Variants in SEC23A observed in about 807,000 individuals in gnomAD.
SEC23A encodes protein transport protein Sec23A.
Under a neutral mutation model 103.7 loss-of-function variants are expected in SEC23A, and 56 were observed. The ratio of observed to expected loss-of-function variants is 0.54; its 90% CI spans 0.44 to 0.67. The LOEUF (loss-of-function observed/expected upper bound fraction) is 0.67, where lower values mean the gene tolerates loss of function less well. Ranked by LOEUF, SEC23A falls within the 30% of genes least tolerant of loss-of-function variation. SEC23A has a pLI of 0.00. For synonymous variants in SEC23A, 281 were observed against 293.0 expected (o/e 0.96, Z 0.42); for missense variants, 784 against 936.4 (o/e 0.84, Z 2.12).
At chr14:39,057,264 C>T (rs1886279929) in intron 13 of SEC23A, among the ~76,000 whole-genome samples, 5 of 151,340 alleles carry the variant, frequency 3.3e-5, no homozygotes, top group Admixed American at 3.3e-4. Flanking sequence ...CAAGATGGCA[C>T]CACTGCACTC....
intron 7 of SEC23A, among the ~76,000 whole-genome samples, chr14:39,077,917 A>C (rs1447384915): frequency 1.3e-5 from 2 of 152,192 alleles, no homozygotes; most frequent in African/African-American, 4.8e-5. Flanking sequence ...AGGATGACAG[A>C]GTGAGACACT....
At chr14:39,042,480 C>A (rs1320466536) in intron 17 of SEC23A, among the ~76,000 whole-genome samples, 2 of 152,268 alleles carry the variant, frequency 1.3e-5, no homozygotes, top group East Asian at 3.9e-4. Flanking sequence ...ACTTTTCCCC[C>A]CTTAATGTTT....
intron 13 of SEC23A, among the ~76,000 whole-genome samples, chr14:39,060,125 G>A (rs1886425864): frequency 6.6e-6 from 1 of 151,276 alleles, no homozygotes; most frequent in Admixed American, 6.6e-5. Flanking sequence ...GTGCACACAC[G>A]TTGAGAGCCA....
intron 13 of SEC23A, among the ~76,000 whole-genome samples, chr14:39,059,548 A>G (rs1195369776): frequency 1.3e-5 from 2 of 152,162 alleles, no homozygotes; most frequent in Non-Finnish European, 1.5e-5. Context: ...AAAATATTTC[A>G]AACATAAAGA....
rs115680461 is a variant in SEC23A at position 39,080,333 on chromosome 14, G to A, written c.829-4240C>T. 8.8e-3 allele frequency among the ~76,000 whole-genome samples: 1,336 copies of A among 152,208 alleles called. 22 individuals are homozygous for A. Among genetic ancestry groups the A allele is most frequent in the African/African-American group, 0.031 (1,267 of 41,522 alleles). On this transcript the variant is annotated intron_variant, in intron 7 of 19. Coordinates refer to ENST00000307712, the MANE Select transcript of SEC23A (RefSeq NM_006364.4). ...AAGAAAAGAAAAAAACCAAGAGAAT[G>A]AAAATGAAATAAAGAAATAAAAAGA...
At chr14:39,102,778 G>C (rs1888158959) in intron 1 of SEC23A, among the ~76,000 whole-genome samples, 1 of 152,194 alleles carries the variant, frequency 6.6e-6, no homozygotes, top group Admixed American at 6.5e-5. Flanking sequence ...TGGGCGAGAT[G>C]CTCGAACCAC....
At chr14:39,064,772 G>T in intron 11 of SEC23A, 141 bp downstream of exon 11, 1 of 722,676 alleles carries the variant, frequency 1.4e-6, no homozygotes, top group Non-Finnish European at 2.5e-6. Flanking sequence ...GGGGAACAGG[G>T]TCTCTCTATG....
chr14:39,096,772 G>C (rs895645434), intron 1 of SEC23A, among the ~76,000 whole-genome samples: 1 of 152,126 alleles, frequency 6.6e-6, no homozygotes, highest in East Asian at 1.9e-4. Flanking sequence ...TTCCATATCA[G>C]TTTTGAAAAT....
chr14:39,075,137 T>C (rs2139252180), intron 8 of SEC23A, among the ~76,000 whole-genome samples: 1 of 151,810 alleles, frequency 6.6e-6, no homozygotes, highest in African/African-American at 2.4e-5. Flanking sequence ...AACAGAGAAC[T>C]CTCTTTCCTA....
chr14:39,053,778 G>A (rs552743764), intron 14 of SEC23A, among the ~76,000 whole-genome samples: 141 of 152,250 alleles, frequency 9.3e-4, no homozygotes, highest in African/African-American at 3.2e-3. Flanking sequence ...AAGCTAGAGT[G>A]CATAAAGAAG....
At chr14:39,081,558 T>G (rs151196465) in intron 7 of SEC23A, among the ~76,000 whole-genome samples, 74 of 152,336 alleles carry the variant, frequency 4.9e-4, no homozygotes, top group African/African-American at 1.7e-3. Flanking sequence ...CTCCTAAGCT[T>G]CTTTCTAACA....
rs376638175 is a variant in SEC23A, at chr14:39,074,935, G to A, written c.988-405C>T. Among the ~76,000 whole-genome samples the A allele has an allele frequency of 1.2e-4, 18 of 151,948 alleles. No homozygotes were observed. The East Asian group carries it at 1.5e-3, about 13-fold the overall frequency. On this transcript the variant is annotated intron_variant, in intron 8 of 19. Transcript: ENST00000307712. ...ATCCTGGCAAACACGGTGAAACCCC[G>A]TCTCTACTAAAAATATAAAAAATTA...
chr14:39,091,350 C>G (rs1387342672), intron 5 of SEC23A, 127 bp downstream of exon 5: 4 of 703,946 alleles, frequency 5.7e-6, no homozygotes, highest in Non-Finnish European at 9.7e-6. Flanking sequence ...AATTTAAAGC[C>G]TTTGTTATAA....
intron 7 of SEC23A, among the ~76,000 whole-genome samples, chr14:39,076,454 G>T (rs1887025949): frequency 6.9e-6 from 1 of 144,494 alleles, no homozygotes; most frequent in Non-Finnish European, 1.5e-5. Context: ...TTTTTTTAGA[G>T]ACAAGGTCTC....
intron 7 of SEC23A, among the ~76,000 whole-genome samples, chr14:39,079,948 T>C (rs1374730311): frequency 6.6e-6 from 1 of 152,224 alleles, no homozygotes; most frequent in Non-Finnish European, 1.5e-5. Context: ...TCACAAGGTA[T>C]GATTATTACT....
intron 7 of SEC23A, among the ~76,000 whole-genome samples, chr14:39,078,636 T>C (rs533491473): frequency 6.6e-6 from 1 of 152,286 alleles, no homozygotes; most frequent in East Asian, 1.9e-4. Flanking sequence ...ACCAAGCACA[T>C]GTTACAATGG....
chr14:39,033,138 T>C lies in SEC23A; in HGVS notation c.*101A>G. ...TCAAACCATACTAATACAAAAAATA[T>C]AGAGCAATATCTGTTGGTTTCCACA... On this transcript the variant is annotated 3_prime_UTR_variant, in exon 20 of 20. Coordinates refer to ENST00000307712, the MANE Select transcript of SEC23A (RefSeq NM_006364.4). 1.2e-6 allele frequency: 1 copy of C among 840,110 alleles called. No individual in the cohort carries two copies. The highest frequency in any genetic ancestry group is 2.1e-6 in the Non-Finnish European group (1 of 485,804). 52.0% of individuals were successfully genotyped at this position (840,110 alleles called of 1,614,324 possible). A position where few individuals can be genotyped will look rare whatever the true frequency, so the allele number is the denominator to read the frequency against.
At chr14:39,036,503 C>T (rs1461153901) in intron 19 of SEC23A, among the ~76,000 whole-genome samples, 1 of 151,912 alleles carries the variant, frequency 6.6e-6, no homozygotes, top group Non-Finnish European at 1.5e-5. Flanking sequence ...CAGCCTTTTT[C>T]ACTCCTAAAT....
intron 13 of SEC23A, among the ~76,000 whole-genome samples, chr14:39,057,424 T>G (rs1295755725): frequency 6.6e-6 from 1 of 152,172 alleles, no homozygotes; most frequent in Non-Finnish European, 1.5e-5. Context: ...TGATCATGGT[T>G]CAAGTGGCAC....
Sources: gnomAD v4.1 joint callset for allele counts (sites outside exome capture counted in the v4.1 genomes callset) on GRCh38, gnomAD v4.1.1 for gene constraint, MANE v1.5 for transcripts, NCBI Gene and HGNC (gene_info 2026-07-23, HGNC 2026-07-21) for gene names.